Variants in MAP2 observed in about 807,000 individuals in gnomAD.
MAP2 encodes microtubule associated protein 2, also known as microtubule-associated protein 2.
In MAP2, 14 loss-of-function variants were observed where a neutral mutation model predicts 137.6. That is an observed-to-expected ratio of 0.10 (90% CI 0.07 to 0.16). The LOEUF is 0.16. MAP2 is among the 10% of genes least tolerant of loss of function. The probability of loss-of-function intolerance (pLI) is 1.00; values close to 1 mark genes in which losing one functional copy is unlikely to be tolerated. For synonymous variants in MAP2, 786 were observed against 782.3 expected, an observed-to-expected ratio of 1.00 and a Z score of -0.08; for missense variants, 2,088 against 2,191.5, an observed-to-expected ratio of 0.95 and a Z score of 0.94.
intron 3 of MAP2, among the ~76,000 whole-genome samples, chr2:209,624,046 A>C (rs912035457): frequency 2.6e-5 from 4 of 152,154 alleles, no homozygotes; most frequent in African/African-American, 9.7e-5. Flanking sequence ...AATCAAACTT[A>C]TGTCTGCTCA....
At chr2:209,463,025 A>G (rs1032965675) in intron 1 of MAP2, among the ~76,000 whole-genome samples, 9 of 152,072 alleles carry the variant, frequency 5.9e-5, no homozygotes, top group African/African-American at 1.2e-4. Context: ...GCACACACAC[A>G]TGCACGAGTA....
intron 4 of MAP2, among the ~76,000 whole-genome samples, chr2:209,626,452 A>G (rs1191065162): frequency 6.6e-6 from 1 of 152,132 alleles, no homozygotes; most frequent in African/African-American, 2.4e-5. Flanking sequence ...CTAAGCATCC[A>G]CCACACAGAT....
intron 1 of MAP2, among the ~76,000 whole-genome samples, chr2:209,493,529 A>C (rs190218192): frequency 1.3e-5 from 2 of 152,334 alleles, no homozygotes; most frequent in Non-Finnish European, 2.9e-5. Context: ...AATTTTTGCT[A>C]TCTATCCATC....
chr2:209,651,901 T>C (rs1215916372), intron 4 of MAP2, among the ~76,000 whole-genome samples: 1 of 152,216 alleles, frequency 6.6e-6, no homozygotes, highest in Non-Finnish European at 1.5e-5. Context: ...ACTTACTTTA[T>C]TTATACTTTC....
intron 13 of MAP2, among the ~76,000 whole-genome samples, chr2:209,720,843 GA>G (rs2070399868): frequency 6.6e-6 from 1 of 151,494 alleles, no homozygotes; most frequent in African/African-American, 2.4e-5. Flanking sequence ...AGGTTTTTAG[GA>G]AAACAAATGT....
intron 1 of MAP2, among the ~76,000 whole-genome samples, chr2:209,495,518 C>G (rs1253475770): frequency 6.6e-6 from 1 of 152,224 alleles, no homozygotes; most frequent in African/African-American, 2.4e-5. Context: ...TGTCCTGCAG[C>G]CTCTGCTGGT....
At chr2:209,578,995 G>A (rs540400562) in intron 2 of MAP2, among the ~76,000 whole-genome samples, 2 of 151,554 alleles carry the variant, frequency 1.3e-5, no homozygotes, top group Admixed American at 1.3e-4. Flanking sequence ...ACTGTTAAAA[G>A]GGTATTGAAT....
chr2:209,437,945 T>G (rs1437701284), intron 1 of MAP2, among the ~76,000 whole-genome samples: 1 of 151,570 alleles, frequency 6.6e-6, no homozygotes, highest in African/African-American at 2.4e-5. Context: ...CAACCAGATG[T>G]GGAACATAGA....
At chr2:209,581,362 T>C (rs1355194) in intron 3 of MAP2, among the ~76,000 whole-genome samples, 151,031 of 152,280 alleles carry the variant, frequency 0.99, 74,907 homozygotes, top group East Asian at 1. Context: ...TAAAATAAAT[T>C]AGTGTGGTCT....
intron 2 of MAP2, among the ~76,000 whole-genome samples, chr2:209,522,065 C>A (rs1281522674): frequency 6.6e-6 from 1 of 152,008 alleles, no homozygotes; most frequent in African/African-American, 2.4e-5. Context: ...AGACCTGTGT[C>A]GAGCTGCTTC....
intron 2 of MAP2, among the ~76,000 whole-genome samples, chr2:209,525,340 G>T (rs749160917): frequency 6.6e-6 from 1 of 151,632 alleles, no homozygotes; most frequent in Non-Finnish European, 1.5e-5. Flanking sequence ...TTTTATCTAG[G>T]CATAAAACAG....
At chr2:209,505,697 C>T (rs2060953228) in intron 1 of MAP2, among the ~76,000 whole-genome samples, 1 of 148,996 alleles carries the variant, frequency 6.7e-6, no homozygotes, top group African/African-American at 2.6e-5. Flanking sequence ...TTTGGCCAGG[C>T]ACGGTGGCTT....
At chr2:209,630,584 A>G (rs2092895019) in intron 4 of MAP2, among the ~76,000 whole-genome samples, 1 of 152,126 alleles carries the variant, frequency 6.6e-6, no homozygotes. Context: ...AAAAGCTATT[A>G]AAAATCTCAT....
At chr2:209,537,480 AT>A (rs149086901) in intron 2 of MAP2, among the ~76,000 whole-genome samples, 7,445 of 152,312 alleles carry the variant, frequency 0.049, 264 homozygotes, top group African/African-American at 0.099. Context: ...AGAAACTTTC[AT>A]CCAATCCTAA....
chr2:209,547,420 GTCA>G (rs1168443392), intron 2 of MAP2, among the ~76,000 whole-genome samples: 10 of 151,990 alleles, frequency 6.6e-5, no homozygotes, highest in South Asian at 2.1e-4. Flanking sequence ...CAATTTTGTA[GTCA>G]TCATAATCTT....
intron 1 of MAP2, among the ~76,000 whole-genome samples, chr2:209,466,287 A>G (rs1027444432): frequency 6.6e-6 from 1 of 152,168 alleles, no homozygotes; most frequent in Non-Finnish European, 1.5e-5. Context: ...AAATGTATAC[A>G]CTTGCCATAT....
intron 2 of MAP2, among the ~76,000 whole-genome samples, chr2:209,520,465 C>T (rs2063123179): frequency 6.6e-6 from 1 of 151,988 alleles, no homozygotes; most frequent in African/African-American, 2.4e-5. Context: ...CTAATAATGA[C>T]TAATAATGAA....
chr2:209,722,998 G>A (rs951825406), intron 13 of MAP2, among the ~76,000 whole-genome samples: 1 of 152,186 alleles, frequency 6.6e-6, no homozygotes, highest in African/African-American at 2.4e-5. Flanking sequence ...CCACCTGCAA[G>A]GGAATTGTGA....
At chr2:209,725,855 T>A (rs2073744998) in intron 14 of MAP2, 65 bp downstream of exon 14, 6 of 1,074,072 alleles carry the variant, frequency 5.6e-6, no homozygotes, top group Non-Finnish European at 7.9e-6. Flanking sequence ...GATGAGAAAA[T>A]TTTTTGTTGT....
Sources: gnomAD v4.1 joint callset for allele counts (sites outside exome capture counted in the v4.1 genomes callset) on GRCh38, gnomAD v4.1.1 for gene constraint, MANE v1.5 for transcripts, NCBI Gene and HGNC (gene_info 2026-07-23, HGNC 2026-07-21) for gene names.